Variants in FGD4 observed in about 807,000 individuals in gnomAD.
FGD4 encodes the protein FYVE, RhoGEF and PH domain-containing protein 4.
Under a neutral mutation model 102.0 loss-of-function variants are expected in FGD4, and 42 were observed. The observed-to-expected ratio is 0.41, with a 90% CI of 0.32 to 0.53. The LOEUF is 0.53. FGD4 is among the 20% of genes least tolerant of loss of function. FGD4 has a pLI of 0.21. For missense variants in FGD4, 902 were observed against 1,078.2 expected, an observed-to-expected ratio of 0.84 and a Z score of 2.29; for synonymous variants, 380 against 375.7, an observed-to-expected ratio of 1.01 and a Z score of -0.13.
intron 1 of FGD4, among the ~76,000 whole-genome samples, chr12:32,425,393 C>T (rs1482916614): frequency 1.3e-5 from 2 of 152,050 alleles, no homozygotes; most frequent in African/African-American, 2.4e-5. Context: ...AGGTGTGTGG[C>T]GTTATTTCTG....
intron 1 of FGD4, among the ~76,000 whole-genome samples, chr12:32,413,996 G>A (rs969134998): frequency 1.7e-4 from 24 of 140,792 alleles, no homozygotes; most frequent in African/African-American, 5.9e-4. Flanking sequence ...TTTTTGAGAC[G>A]GAGTCTTGTT....
chr12:32,613,205 C>T (rs760268205), intron 10 of FGD4, among the ~76,000 whole-genome samples: 1 of 152,142 alleles, frequency 6.6e-6, no homozygotes, highest in African/African-American at 2.4e-5. Context: ...TCTCACCCAC[C>T]ATAGCATGAG....
intron 1 of FGD4, among the ~76,000 whole-genome samples, chr12:32,459,906 A>C (rs188307338): frequency 6.6e-6 from 1 of 151,754 alleles, no homozygotes; most frequent in African/African-American, 2.4e-5. Flanking sequence ...ACGTGGTCTC[A>C]TGTTTCCCAG....
chr12:32,638,463 C>T (rs1950975350), intron 15 of FGD4, among the ~76,000 whole-genome samples, 192 bp from the exon 16 acceptor site: 2 of 152,180 alleles, frequency 1.3e-5, no homozygotes, highest in Admixed American at 6.5e-5. Flanking sequence ...TCTTTAAATT[C>T]AAGGTCTAGT....
At chr12:32,423,388 G>C (rs1941715935) in intron 1 of FGD4, among the ~76,000 whole-genome samples, 1 of 151,464 alleles carries the variant, frequency 6.6e-6, no homozygotes, top group Non-Finnish European at 1.5e-5. Context: ...TGAGGAGATC[G>C]AGACCATCCT....
intron 1 of FGD4, among the ~76,000 whole-genome samples, chr12:32,474,185 A>T (rs1364835078): frequency 6.6e-6 from 1 of 152,168 alleles, no homozygotes; most frequent in Non-Finnish European, 1.5e-5. Flanking sequence ...TTTGGAAAAC[A>T]GTCTGGGTAG....
intron 1 of FGD4, among the ~76,000 whole-genome samples, chr12:32,480,442 G>T (rs1234811741): frequency 6.6e-6 from 1 of 151,348 alleles, no homozygotes; most frequent in African/African-American, 2.4e-5. Context: ...GATTACAGGT[G>T]TGAGCCACAA....
chr12:32,564,083 A>G lies in FGD4; in HGVS notation c.167-54A>G, dbSNP rs367583476. The stretch of plus-strand genomic sequence containing the variant: ...AGAGGGGAAATTTAACTTATAAGGC[A>G]GTATTGTGATATGCCTCCATACTTA... On this transcript the variant is annotated intron_variant, in intron 1 of 16. Coordinates refer to ENST00000534526, the MANE Select transcript of FGD4 (RefSeq NM_001370298.3). The G allele has an allele frequency of 1.2e-4, 177 of 1,492,918 alleles. 1 individual carries two copies. In the East Asian group the frequency reaches 4.0e-3, roughly 34 times the overall value. 92.5% of individuals were successfully genotyped at this position (1,492,918 alleles called of 1,614,324 possible). A position where few individuals can be genotyped will look rare whatever the true frequency, so the allele number is the denominator to read the frequency against.
intron 7 of FGD4, among the ~76,000 whole-genome samples, chr12:32,603,407 C>T (rs1028040138): frequency 2.0e-5 from 3 of 150,872 alleles, no homozygotes; most frequent in Non-Finnish European, 2.9e-5. Context: ...TTTTTGGAGA[C>T]GGAGTCTCGC....
chr12:32,608,072 C>G lies in FGD4; in HGVS notation c.1520C>G (p.Ser507Cys). Residue 507 changes from serine (S) to cysteine (C), a missense_variant, in exon 8 of 17, where the codon TCC becomes TGC. Physicochemically the swap from Ser to Cys is moderately radical, Grantham distance 112. Coordinates refer to ENST00000534526, the MANE Select transcript of FGD4 (RefSeq NM_001370298.3). ...TATCTAAGGAAATTGCCTCCTGATT[C>G]CCTGGACTGGAATGATGCTAAAAGT... ...KDYLRKLPPD[S>C]LDWNDAKKSL... 2 of 1,614,182 alleles carry G rather than the reference C, an allele frequency of 1.2e-6. No homozygotes were observed. Among genetic ancestry groups the G allele is most frequent in the Non-Finnish European group, 8.5e-7 (1 of 1,180,032 alleles).
chr12:32,620,992 T>C (rs934834503), intron 11 of FGD4, among the ~76,000 whole-genome samples: 4 of 151,594 alleles, frequency 2.6e-5, no homozygotes, highest in Non-Finnish European at 4.4e-5. Context: ...TAAAAATCCA[T>C]GAGAACGACT....
chr12:32,457,823 T>C (rs1253213898), intron 1 of FGD4, among the ~76,000 whole-genome samples: 1 of 152,190 alleles, frequency 6.6e-6, no homozygotes, highest in Non-Finnish European at 1.5e-5. Flanking sequence ...ACAGAGTCCC[T>C]AGGGCTGAAA....
chr12:32,525,983 G>A (rs1475562824), intron 1 of FGD4, among the ~76,000 whole-genome samples: 7 of 152,354 alleles, frequency 4.6e-5, no homozygotes, highest in South Asian at 2.1e-4. Context: ...TGTGCGGCCC[G>A]AGCCTCCGAC....
intron 3 of FGD4, 51 bp from the exon 4 acceptor site, chr12:32,581,909 G>A (rs1946648666): frequency 1.2e-6 from 2 of 1,602,340 alleles, no homozygotes; most frequent in Non-Finnish European, 1.7e-6. Context: ...CTTAATTCTA[G>A]AACTTTTCCA....
intron 1 of FGD4, among the ~76,000 whole-genome samples, chr12:32,495,977 C>T (rs555209958): frequency 1.2e-4 from 19 of 152,244 alleles, no homozygotes; most frequent in African/African-American, 4.3e-4. Context: ...CTTTTTAATA[C>T]TTTATTCTTT....
intron 1 of FGD4, among the ~76,000 whole-genome samples, chr12:32,547,913 C>T (rs1943356849): frequency 6.6e-6 from 1 of 152,126 alleles, no homozygotes; most frequent in Non-Finnish European, 1.5e-5. Flanking sequence ...ACCATGTTGG[C>T]CAGACTGGTC....
intron 1 of FGD4, among the ~76,000 whole-genome samples, chr12:32,449,669 G>A (rs1942714004): frequency 6.6e-6 from 1 of 152,122 alleles, no homozygotes; most frequent in Non-Finnish European, 1.5e-5. Context: ...GGCTTCTCCA[G>A]TGTGAAATTT....
chr12:32,634,912 C>T (rs1950706808), intron 15 of FGD4, among the ~76,000 whole-genome samples: 1 of 152,020 alleles, frequency 6.6e-6, no homozygotes, highest in African/African-American at 2.4e-5. Context: ...CGCTTGAACC[C>T]GGGAGGCGGA....
intron 4 of FGD4, among the ~76,000 whole-genome samples, chr12:32,594,638 G>C (rs1396043087): frequency 6.6e-6 from 1 of 152,042 alleles, no homozygotes; most frequent in Non-Finnish European, 1.5e-5. Context: ...GGGACCTCTG[G>C]GTTACATTAT....
Sources: gnomAD v4.1 joint callset for allele counts (sites outside exome capture counted in the v4.1 genomes callset) on GRCh38, gnomAD v4.1.1 for gene constraint, MANE v1.5 for transcripts, NCBI Gene and HGNC (gene_info 2026-07-23, HGNC 2026-07-21) for gene names.